MCC: variants seen among roughly 807,000 people sequenced by gnomAD.
The protein encoded by MCC is colorectal mutant cancer protein.
MCC carries 90 observed loss-of-function variants against 116.2 expected under a neutral mutation model. That is an observed-to-expected ratio of 0.77 (90% CI 0.65 to 0.92). The LOEUF (loss-of-function observed/expected upper bound fraction) is 0.92. Ranked by LOEUF, MCC falls within the 40% of genes least tolerant of loss-of-function variation. The pLI is 0.00. For missense variants in MCC, 1,516 were observed against 1,312.2 expected (o/e 1.16, Z -2.40); for synonymous variants, 578 against 510.5 (o/e 1.13, Z -1.78).
chr5:113,415,217 A>G (rs1040641492), intron 1 of MCC, among the ~76,000 whole-genome samples: 2 of 151,536 alleles, frequency 1.3e-5, no homozygotes, highest in African/African-American at 2.4e-5. Context: ...CTTCATTTCA[A>G]CTTTGGTGAA....
chr5:113,461,110 A>G (rs1005947556), intron 1 of MCC, among the ~76,000 whole-genome samples: 5 of 152,164 alleles, frequency 3.3e-5, no homozygotes, highest in Non-Finnish European at 5.9e-5. Context: ...GTTTTTAAAA[A>G]ATCAGTCAGG....
At chr5:113,092,339 G>A (rs1445409957) in intron 8 of MCC, among the ~76,000 whole-genome samples, 2 of 152,132 alleles carry the variant, frequency 1.3e-5, no homozygotes, top group African/African-American at 4.8e-5. Context: ...AAGGATGCAG[G>A]CTCCCTCTAG....
intron 3 of MCC, among the ~76,000 whole-genome samples, chr5:113,307,695 G>C (rs1639043235): frequency 6.6e-6 from 1 of 152,180 alleles, no homozygotes; most frequent in Non-Finnish European, 1.5e-5. Flanking sequence ...GAAATGGAAA[G>C]AGCAGACAAC....
At chr5:113,094,602 A>C (rs1017552870) in intron 8 of MCC, among the ~76,000 whole-genome samples, 1 of 151,974 alleles carries the variant, frequency 6.6e-6, no homozygotes, top group Non-Finnish European at 1.5e-5. Context: ...TTGTATTTTT[A>C]GTAGAGACGG....
chr5:113,361,901 A>C (rs1768557582), intron 2 of MCC, among the ~76,000 whole-genome samples: 1 of 152,032 alleles, frequency 6.6e-6, no homozygotes, highest in Admixed American at 6.6e-5. Context: ...AGGCCTTTGG[A>C]CTTGGACTGA....
At chr5:113,371,415 T>C (rs1471226019) in intron 2 of MCC, among the ~76,000 whole-genome samples, 1 of 152,174 alleles carries the variant, frequency 6.6e-6, no homozygotes, top group Non-Finnish European at 1.5e-5. Flanking sequence ...AATCTTGTAA[T>C]TCAAGGGCAA....
intron 8 of MCC, among the ~76,000 whole-genome samples, chr5:113,089,444 G>T (rs369582464): frequency 1.3e-5 from 2 of 152,246 alleles, no homozygotes; most frequent in East Asian, 3.8e-4. Context: ...AAAATGGACT[G>T]AAGTAAGGAA....
intron 1 of MCC, among the ~76,000 whole-genome samples, chr5:113,463,140 C>A (rs1771791972): frequency 6.6e-6 from 1 of 152,104 alleles, no homozygotes; most frequent in Non-Finnish European, 1.5e-5. Context: ...ACTGGAGAAA[C>A]TGAAATTCAG....
intron 3 of MCC, among the ~76,000 whole-genome samples, chr5:113,273,837 C>T (rs139886152): frequency 1.8e-3 from 278 of 152,150 alleles, no homozygotes; most frequent in African/African-American, 6.5e-3. Context: ...AAACAGTGAG[C>T]AATATCAAGC....
At chr5:113,365,632 C>A (rs1051591312) in intron 2 of MCC, among the ~76,000 whole-genome samples, 1 of 152,186 alleles carries the variant, frequency 6.6e-6, no homozygotes, top group African/African-American at 2.4e-5. Context: ...TGTATTAGTT[C>A]ATTCTTGCAT....
At chr5:113,107,108 G>A (rs1428499356) in intron 6 of MCC, among the ~76,000 whole-genome samples, 2 of 151,854 alleles carry the variant, frequency 1.3e-5, no homozygotes, top group Non-Finnish European at 2.9e-5. Flanking sequence ...TAGGGTAGGC[G>A]GTCAAATATT....
intron 3 of MCC, among the ~76,000 whole-genome samples, chr5:113,275,876 G>A (rs902428342): frequency 6.6e-6 from 1 of 152,058 alleles, no homozygotes; most frequent in African/African-American, 2.4e-5. Flanking sequence ...TGAACACCAA[G>A]GGAGGCTGTA....
Position 113,161,620 on chromosome 5 carries a change from ATGTGTGTGTGTGTGTGTGTG to A in MCC, c.628-10218_628-10199del, listed in dbSNP as rs57962617. Among the ~76,000 whole-genome samples, 1,276 of 148,210 alleles carry A rather than the reference ATGTGTGTGTGTGTGTGTGTG, an allele frequency of 8.6e-3. 44 individuals carry two copies. In the East Asian group the frequency reaches 0.11, roughly 13 times the overall value. ...GGAAAGCAAATGGAGGTTTAGATTT[ATGTGTGTGTGTGTGTGTGTG>A]TGTGTGTGTGTGTGTGTGTGTGTGT... On this transcript the variant is annotated intron_variant, in intron 3 of 18. Transcript: ENST00000408903.
intron 1 of MCC, among the ~76,000 whole-genome samples, chr5:113,408,760 G>C (rs1769902893): frequency 6.6e-6 from 1 of 152,162 alleles, no homozygotes; most frequent in South Asian, 2.1e-4. Context: ...ATGAATATTG[G>C]TTGTTTTGGG....
chr5:113,357,458 C>T (rs992145038), intron 2 of MCC, among the ~76,000 whole-genome samples: 3 of 152,168 alleles, frequency 2.0e-5, no homozygotes, highest in African/African-American at 7.2e-5. Context: ...GAGGGCCCCC[C>T]ACCTACCAGG....
At chr5:113,058,601 CTGGCT>C (rs1752997511) in intron 14 of MCC, among the ~76,000 whole-genome samples, 1 of 152,218 alleles carries the variant, frequency 6.6e-6, no homozygotes, top group Non-Finnish European at 1.5e-5. Context: ...CACAATGCTC[CTGGCT>C]GCCCTGGTGG....
At chr5:113,406,124 T>TA (rs1769827392) in intron 1 of MCC, among the ~76,000 whole-genome samples, 2 of 152,220 alleles carry the variant, frequency 1.3e-5, no homozygotes, top group African/African-American at 4.8e-5. Flanking sequence ...TCAAACTTGT[T>TA]AAAAGCCTTA....
intron 3 of MCC, among the ~76,000 whole-genome samples, chr5:113,248,623 A>G (rs778912819): frequency 9.9e-5 from 15 of 152,018 alleles, no homozygotes; most frequent in Non-Finnish European, 1.9e-4. Flanking sequence ...ACCCCGGTTG[A>G]CCCTCTAAAT....
At chr5:113,312,060 C>T (rs540007278) in intron 3 of MCC, among the ~76,000 whole-genome samples, 7 of 152,148 alleles carry the variant, frequency 4.6e-5, no homozygotes, top group Admixed American at 3.3e-4. Context: ...GAGCCGAGGT[C>T]GCGCCACTGC....
Sources: allele counts gnomAD v4.1 joint callset (sites outside exome capture counted in the v4.1 genomes callset), GRCh38; gene constraint gnomAD v4.1.1; transcripts MANE v1.5; gene names NCBI Gene and HGNC (gene_info 2026-07-23, HGNC 2026-07-21).